ZNF385D: variants seen among roughly 807,000 people sequenced by gnomAD.
ZNF385D encodes zinc finger protein 385D, also known as zinc finger protein 659.
Under a neutral mutation model 35.8 loss-of-function variants are expected in ZNF385D, and 15 were observed. The ratio of observed to expected loss-of-function variants is 0.42; its 90% CI spans 0.28 to 0.64. The LOEUF (loss-of-function observed/expected upper bound fraction) is 0.64, where lower values mean the gene tolerates loss of function less well. Among genes scored for constraint, ZNF385D ranks in the 30% least tolerant of loss-of-function variants. ZNF385D has a pLI of 0.23. For missense variants in ZNF385D, 474 were observed against 494.6 expected, an observed-to-expected ratio of 0.96 and a Z score of 0.39; for synonymous variants, 212 against 186.8, an observed-to-expected ratio of 1.13 and a Z score of -1.10.
intron 2 of ZNF385D, among the ~76,000 whole-genome samples, chr3:22,317,381 G>T (rs1004776325): frequency 1.4e-5 from 2 of 140,440 alleles, no homozygotes; most frequent in African/African-American, 5.5e-5. Context: ...AAGTAACCAA[G>T]AAAGAGCAAC....
chr3:22,240,076 A>G lies in ZNF385D; in HGVS notation c.107-71041T>C, dbSNP rs566970895. Among the ~76,000 whole-genome samples the G allele has an allele frequency of 2.7e-5, 4 of 148,900 alleles. 1 individual carries two copies. The highest frequency in any genetic ancestry group is 7.5e-5 in the African/African-American group (3 of 40,026). On this transcript the variant is annotated intron_variant, in intron 2 of 5. Coordinates refer to the ZNF385D transcript ENST00000494108. ...CACATGCCTGTAGTCTCAGCTACTC[A>G]GGAGGCTGACGTGGGAGGATCACCT...
intron 2 of ZNF385D, among the ~76,000 whole-genome samples, chr3:22,346,312 C>T (rs536325448): frequency 2.0e-5 from 3 of 152,098 alleles, no homozygotes; most frequent in East Asian, 1.9e-4. Context: ...ATACAAATAA[C>T]GACATATCTG....
At chr3:22,226,062 T>A (rs1229935180) in intron 2 of ZNF385D, among the ~76,000 whole-genome samples, 1 of 151,832 alleles carries the variant, frequency 6.6e-6, no homozygotes, top group Non-Finnish European at 1.5e-5. Flanking sequence ...ACTGTAGGAC[T>A]CAACATGAAA....
rs140260551 is a variant in ZNF385D, at chr3:22,317,799, T to A, written c.106+54651A>T. Among the ~76,000 whole-genome samples, 380 of 152,214 alleles carry A rather than the reference T, an allele frequency of 2.5e-3. 2 individuals are homozygous for A. Among genetic ancestry groups the A allele is most frequent in the African/African-American group, 9.0e-3 (376 of 41,552 alleles). On this transcript the variant is annotated intron_variant, in intron 2 of 5. Transcript: ENST00000494108. ...AATCAGGCTGGGCATGGTGACTCAC[T>A]CATGTAATCCCAGCACTTTAGGAGG...
At chr3:21,965,929 G>C (rs1372316952) in intron 3 of ZNF385D, among the ~76,000 whole-genome samples, 5 of 152,128 alleles carry the variant, frequency 3.3e-5, no homozygotes, top group Non-Finnish European at 7.4e-5. Flanking sequence ...TCCAGGTAAA[G>C]TCTAGATAAG....
intron 2 of ZNF385D, among the ~76,000 whole-genome samples, chr3:22,244,018 T>A (rs968939290): frequency 1.3e-5 from 2 of 150,866 alleles, no homozygotes; most frequent in Non-Finnish European, 2.9e-5. Flanking sequence ...AATTTAGTAA[T>A]CTCTTCATTG....
chr3:21,553,796 T>C (rs1446607974), intron 3 of ZNF385D, among the ~76,000 whole-genome samples: 1 of 152,168 alleles, frequency 6.6e-6, no homozygotes, highest in Admixed American at 6.6e-5. Flanking sequence ...TCATCAGCAG[T>C]AGATTCCATC....
At chr3:21,507,043 C>T (rs1706820032) in intron 4 of ZNF385D, among the ~76,000 whole-genome samples, 1 of 152,018 alleles carries the variant, frequency 6.6e-6, no homozygotes, top group South Asian at 2.1e-4. Context: ...GTATGTGTTA[C>T]CCCAAGGCAG....
chr3:22,302,978 A>C (rs536788583), intron 2 of ZNF385D, among the ~76,000 whole-genome samples: 8 of 152,234 alleles, frequency 5.3e-5, no homozygotes, highest in African/African-American at 1.9e-4. Context: ...GTAAAATTTT[A>C]ACTAATTTTC....
intron 2 of ZNF385D, among the ~76,000 whole-genome samples, chr3:22,173,102 C>G (rs988434178): frequency 1.3e-5 from 2 of 152,110 alleles, no homozygotes; most frequent in Non-Finnish European, 2.9e-5. Context: ...AAATAATAGA[C>G]AAACACAAAC....
intron 3 of ZNF385D, among the ~76,000 whole-genome samples, chr3:22,163,096 C>T (rs1348953280): frequency 6.6e-6 from 1 of 152,080 alleles, no homozygotes; most frequent in Non-Finnish European, 1.5e-5. Context: ...CTTTGTACCT[C>T]AGCATTGACT....
intron 1 of ZNF385D, among the ~76,000 whole-genome samples, chr3:21,684,314 G>A (rs1025599556): frequency 1.4e-5 from 2 of 139,048 alleles, no homozygotes; most frequent in African/African-American, 5.4e-5. Context: ...TAAATATCTC[G>A]TATGTTTGAC....
chr3:22,078,068 T>C (rs548607932), intron 3 of ZNF385D, among the ~76,000 whole-genome samples: 2 of 152,132 alleles, frequency 1.3e-5, no homozygotes, highest in South Asian at 4.2e-4. Context: ...TGCCTGAAAT[T>C]TGTGAGTACC....
intron 2 of ZNF385D, among the ~76,000 whole-genome samples, chr3:22,186,726 T>C (rs141304725): frequency 1.4e-3 from 216 of 152,236 alleles, no homozygotes; most frequent in African/African-American, 4.7e-3. Flanking sequence ...TCTTACTAGA[T>C]AGGTTAGACC....
At chr3:21,623,298 T>C (rs903131520) in intron 2 of ZNF385D, among the ~76,000 whole-genome samples, 3 of 152,122 alleles carry the variant, frequency 2.0e-5, no homozygotes, top group Non-Finnish European at 4.4e-5. Context: ...ATGTTTGGCA[T>C]TTATGACACT....
At chr3:22,096,145 A>G (rs1463938970) in intron 3 of ZNF385D, among the ~76,000 whole-genome samples, 2 of 151,840 alleles carry the variant, frequency 1.3e-5, no homozygotes, top group Non-Finnish European at 2.9e-5. Context: ...TACATGTTTA[A>G]TAATTGTTTA....
intron 3 of ZNF385D, among the ~76,000 whole-genome samples, chr3:22,001,731 A>G (rs1695856503): frequency 1.8e-5 from 2 of 109,830 alleles, no homozygotes; most frequent in African/African-American, 4.3e-5. Context: ...AGGCCACAAA[A>G]TAAGTCTCAA....
intron 3 of ZNF385D, among the ~76,000 whole-genome samples, chr3:22,115,422 A>T (rs1702756338): frequency 6.6e-6 from 1 of 152,108 alleles, no homozygotes; most frequent in African/African-American, 2.4e-5. Context: ...TTTTATTTAA[A>T]AATTACTTCA....
intron 4 of ZNF385D, among the ~76,000 whole-genome samples, chr3:21,476,322 A>G (rs1163857434): frequency 6.6e-6 from 1 of 152,102 alleles, no homozygotes; most frequent in East Asian, 1.9e-4. Context: ...TGACAAAGTA[A>G]TCATAAAGGG....
Sources: gnomAD v4.1 joint callset for allele counts (sites outside exome capture counted in the v4.1 genomes callset) on GRCh38, gnomAD v4.1.1 for gene constraint, MANE v1.5 for transcripts, NCBI Gene and HGNC (gene_info 2026-07-23, HGNC 2026-07-21) for gene names.